The following SORCS3 variants were observed in gnomAD, a reference collection of about 807,000 sequenced individuals.
SORCS3 encodes the protein sortilin related VPS10 domain containing receptor 3, also known as VPS10 domain-containing receptor SorCS3.
SORCS3 carries 57 observed loss-of-function variants against 146.3 expected under a neutral mutation model. The ratio of observed to expected loss-of-function variants is 0.39; its 90% confidence interval spans 0.31 to 0.49. The LOEUF (loss-of-function observed/expected upper bound fraction) is 0.49. SORCS3 is among the 20% of genes least tolerant of loss of function. The pLI is 0.92. For synonymous variants in SORCS3, 653 were observed against 618.5 expected (o/e 1.06, Z -0.83); for missense variants, 1,341 against 1,575.5 (o/e 0.85, Z 2.52).
intron 1 of SORCS3, among the ~76,000 whole-genome samples, chr10:104,742,391 T>G (rs2016858940): frequency 6.6e-6 from 1 of 152,202 alleles, no homozygotes; most frequent in Non-Finnish European, 1.5e-5. Context: ...AGGGGGTCTC[T>G]GAGAAGTGTG....
chr10:105,240,947 A>AAAAT (rs949459929), intron 20 of SORCS3, among the ~76,000 whole-genome samples: 1 of 143,538 alleles, frequency 7.0e-6, no homozygotes. Flanking sequence ...CACTGAAAAA[A>AAAAT]ATATATATAT....
In SORCS3 at chr10:105,125,273, T is replaced by C. The variant is rs542100220; in HGVS notation, c.1213-14124T>C. Among the ~76,000 whole-genome samples the C allele has an allele frequency of 2.0e-5, 3 of 152,344 alleles. No homozygotes were observed. The East Asian group carries it at 5.8e-4, about 29-fold the overall frequency. ...TTCTTTATTATTGAATAACCTGTAATTCTTAGAGATTCAATTACATTAGTA... is the reference window on the plus strand; with the variant it reads ...TTCTTTATTATTGAATAACCTGTAACTCTTAGAGATTCAATTACATTAGTA... On this transcript the variant is annotated intron_variant, in intron 7 of 26. Transcript: ENST00000369701.
At chr10:105,162,272 A>G (rs2056271653) in intron 11 of SORCS3, among the ~76,000 whole-genome samples, 1 of 152,232 alleles carries the variant, frequency 6.6e-6, no homozygotes, top group Non-Finnish European at 1.5e-5. Flanking sequence ...ATCATTTACC[A>G]GCAAAGCTGT....
chr10:104,702,630 A>G (rs970208738), intron 1 of SORCS3, among the ~76,000 whole-genome samples: 1 of 152,028 alleles, frequency 6.6e-6, no homozygotes, highest in Non-Finnish European at 1.5e-5. Context: ...TCCATTTCCA[A>G]TGTTTGCATT....
At chr10:105,233,550 T>A (rs2119695953) in intron 20 of SORCS3, among the ~76,000 whole-genome samples, 1 of 152,228 alleles carries the variant, frequency 6.6e-6, no homozygotes, top group East Asian at 1.9e-4. Flanking sequence ...ATGCTATTGC[T>A]CCCTTAGCCC....
intron 5 of SORCS3, among the ~76,000 whole-genome samples, chr10:105,046,647 C>T (rs929575165): frequency 2.0e-5 from 3 of 152,248 alleles, no homozygotes; most frequent in South Asian, 4.1e-4. Context: ...GAGCACGGAA[C>T]ATAATATTCA....
chr10:104,893,669 G>C (rs1459945198), intron 2 of SORCS3, among the ~76,000 whole-genome samples: 2 of 152,108 alleles, frequency 1.3e-5, no homozygotes, highest in African/African-American at 4.8e-5. Context: ...TATGAATTAG[G>C]GCTCGTTTCC....
chr10:104,982,914 T>C (rs2054939879), intron 4 of SORCS3, among the ~76,000 whole-genome samples: 1 of 152,208 alleles, frequency 6.6e-6, no homozygotes, highest in Non-Finnish European at 1.5e-5. Flanking sequence ...CATGTCAGTG[T>C]TGTTTTCAAG....
chr10:104,900,730 A>C (rs528538742), intron 2 of SORCS3, among the ~76,000 whole-genome samples: 1 of 152,072 alleles, frequency 6.6e-6, no homozygotes, highest in South Asian at 2.1e-4. Flanking sequence ...CTCTACTAAA[A>C]ATGCAAAAAA....
intron 19 of SORCS3, among the ~76,000 whole-genome samples, chr10:105,221,646 C>T (rs1368133907): frequency 3.9e-5 from 6 of 152,140 alleles, no homozygotes; most frequent in Non-Finnish European, 8.8e-5. Context: ...TTTGAACTGA[C>T]TTGTCTCCAG....
At chr10:105,138,240 C>T (rs983341286) in intron 7 of SORCS3, among the ~76,000 whole-genome samples, 1 of 152,182 alleles carries the variant, frequency 6.6e-6, no homozygotes, top group African/African-American at 2.4e-5. Flanking sequence ...GACATCTGCT[C>T]TACCTGGCAG....
intron 1 of SORCS3, among the ~76,000 whole-genome samples, chr10:104,734,029 A>G (rs1044660045): frequency 2.0e-5 from 3 of 152,134 alleles, no homozygotes; most frequent in Non-Finnish European, 4.4e-5. Context: ...TCAGCAGACA[A>G]TAACTGGATT....
chr10:105,226,420 G>C (rs988355586), intron 20 of SORCS3, among the ~76,000 whole-genome samples: 1 of 151,834 alleles, frequency 6.6e-6, no homozygotes. Flanking sequence ...TGATCTTGAT[G>C]TATATTTTTT....
At chr10:105,248,441 G>A (rs1375300045) in intron 22 of SORCS3, among the ~76,000 whole-genome samples, 1 of 152,172 alleles carries the variant, frequency 6.6e-6, no homozygotes, top group African/African-American at 2.4e-5. Context: ...CATGTTCAAA[G>A]TCATGGACTA....
intron 3 of SORCS3, among the ~76,000 whole-genome samples, chr10:104,934,436 C>T (rs914487663): frequency 5.3e-5 from 8 of 152,130 alleles, no homozygotes; most frequent in African/African-American, 1.7e-4. Context: ...AGAGCAGGGA[C>T]AGTATCTTGT....
intron 2 of SORCS3, among the ~76,000 whole-genome samples, chr10:104,911,475 G>A (rs987145645): frequency 1.3e-5 from 2 of 152,184 alleles, no homozygotes; most frequent in African/African-American, 2.4e-5. Context: ...GATGATCAGC[G>A]TACTATCTTT....
chr10:104,729,180 A>G (rs1001385268), intron 1 of SORCS3, among the ~76,000 whole-genome samples: 6 of 152,246 alleles, frequency 3.9e-5, no homozygotes, highest in African/African-American at 1.4e-4. Flanking sequence ...GTCACTAGGA[A>G]TCATCATGGG....
At position 105,111,409 on chromosome 10, in the gene SORCS3, G is replaced by A. The variant is rs566253995; in HGVS notation, c.1212+5894G>A. Among the ~76,000 whole-genome samples, 22 of 152,172 alleles carry A rather than the reference G, an allele frequency of 1.4e-4. No individual in the cohort carries two copies. The South Asian group carries it at 3.9e-3, about 27-fold the overall frequency. On this transcript the variant is annotated intron_variant, in intron 7 of 26. Transcript: ENST00000369701. ...TCTCCTGCTCTTAGCATAATTACTGGTACTCAATAAATGTTTGCTGAACTG... is the reference window on the plus strand; with the variant it reads ...TCTCCTGCTCTTAGCATAATTACTGATACTCAATAAATGTTTGCTGAACTG...
At chr10:105,159,052 C>T (rs1192128108) in intron 11 of SORCS3, 58 bp downstream of exon 11, 1 of 1,326,544 alleles carries the variant, frequency 7.5e-7, no homozygotes, top group Non-Finnish European at 1.1e-6. Flanking sequence ...ATAAATTTGT[C>T]ACCTCTTTTT....
Sources: gnomAD v4.1 joint callset for allele counts (sites outside exome capture counted in the v4.1 genomes callset) on GRCh38, gnomAD v4.1.1 for gene constraint, MANE v1.5 for transcripts, NCBI Gene and HGNC (gene_info 2026-07-23, HGNC 2026-07-21) for gene names.